The following ARHGEF17 variants were observed in gnomAD, a reference collection of about 807,000 sequenced individuals.
ARHGEF17 encodes the protein Rho guanine nucleotide exchange factor 17, also known as 164 kDa Rho-specific guanine-nucleotide exchange factor.
ARHGEF17 carries 80 observed loss-of-function variants against 174.0 expected under a neutral mutation model. That is an observed-to-expected ratio of 0.46 (90% CI 0.38 to 0.55). The LOEUF is 0.55. ARHGEF17 is among the 20% of genes least tolerant of loss of function. ARHGEF17 has a pLI of 0.00. For missense variants in ARHGEF17, 2,886 were observed against 2,839.7 expected (o/e 1.02, Z -0.37); for synonymous variants, 1,311 against 1,189.1 (o/e 1.10, Z -2.11).
intron 6 of ARHGEF17, 176 bp from the exon 7 acceptor site, chr11:73,356,533 C>G: frequency 9.0e-7 from 1 of 1,114,864 alleles, no homozygotes; most frequent in Non-Finnish European, 1.3e-6. Context: ...TGTTCTTCCA[C>G]GTCTGTCTCT....
chr11:73,362,858 A>G (rs1320933090), intron 14 of ARHGEF17, 124 bp downstream of exon 14: 1 of 1,225,218 alleles, frequency 8.2e-7, no homozygotes, highest in Non-Finnish European at 1.1e-6. Flanking sequence ...GTTAGCACAC[A>G]GAGCAATGAG....
rs1225637834 is a variant in ARHGEF17 at position 73,311,011 on chromosome 11, A to G, written c.2373A>G (p.Glu791=). 1.2e-6 allele frequency: 2 copies of G among 1,614,076 alleles called. No homozygotes were observed. The highest frequency in any genetic ancestry group is 1.7e-6 in the Non-Finnish European group (2 of 1,180,026). Residue 791 remains glutamate (E), a synonymous_variant, in exon 1 of 21, where the codon GAA becomes GAG. Transcript: ENST00000263674. ...SGHSDWSVGS[E]ESKGYQEVIQ... ...ACAGTGACTGGTCTGTGGGCAGTGA[A>G]GAGAGCAAGGGATATCAGGAGGTTA...
Position 73,362,616 on chromosome 11 carries a change from T to C in ARHGEF17, c.4878T>C (p.Gly1626=), listed in dbSNP as rs1591762869. ...GLEMTPGLGE[G]DPRPELVPFD... ...AGATGACGCCGGGCCTCGGCGAGGG[T>C]GACCCCCGCCCAGAGCTGGTGCCCT... is the stretch of plus-strand genomic sequence containing the variant. Residue 1626 remains glycine, a synonymous_variant, in exon 14 of 21, where the codon GGT becomes GGC. Transcript: ENST00000263674. The C allele has an allele frequency of 6.2e-7, 1 of 1,610,960 alleles. No individual in the cohort carries two copies. The highest frequency in any genetic ancestry group is 1.7e-5 in the Admixed American group (1 of 60,000).
chr11:73,353,013 G>A lies in ARHGEF17; in HGVS notation c.3453+1G>A. On this transcript the variant is annotated splice_donor_variant, in intron 3 of 20. Transcript: ENST00000263674. LOFTEE classifies it high-confidence loss of function. ...GGTGGGAGCCCTGCTCGTCCAGTCG[G>A]TGAGTGGCCCCGCTGCTGCCAATTC... is the stretch of plus-strand genomic sequence containing the variant. The A allele has an allele frequency of 6.2e-7, 1 of 1,613,528 alleles. No individual in the cohort carries two copies. The highest frequency in any genetic ancestry group is 8.5e-7 in the Non-Finnish European group (1 of 1,179,892).
intron 1 of ARHGEF17, among the ~76,000 whole-genome samples, chr11:73,325,363 G>A (rs533592306): frequency 1.3e-5 from 2 of 152,142 alleles, no homozygotes; most frequent in African/African-American, 2.4e-5. Context: ...AAGAAATTTC[G>A]TTCCAGGGCT....
chr11:73,312,639 A>G (rs1591717008), intron 1 of ARHGEF17, among the ~76,000 whole-genome samples: 1 of 151,420 alleles, frequency 6.6e-6, no homozygotes, highest in Non-Finnish European at 1.5e-5. Context: ...AGAGGCAGGG[A>G]GGGGGCTGCA....
At chr11:73,366,218 T>C (rs1175263596) in intron 20 of ARHGEF17, among the ~76,000 whole-genome samples, 1 of 152,004 alleles carries the variant, frequency 6.6e-6, no homozygotes, top group East Asian at 1.9e-4. Context: ...AACTATAACC[T>C]AAGAGGTAGA....
chr11:73,361,381 C>T (rs1249679723), intron 12 of ARHGEF17, among the ~76,000 whole-genome samples: 1 of 152,138 alleles, frequency 6.6e-6, no homozygotes, highest in Non-Finnish European at 1.5e-5. Context: ...TGCATGTGAA[C>T]AAAGGTTATA....
At chr11:73,359,284 A>G (rs1263966617) in intron 9 of ARHGEF17, among the ~76,000 whole-genome samples, 1 of 152,248 alleles carries the variant, frequency 6.6e-6, no homozygotes, top group East Asian at 1.9e-4. Context: ...AGCTCCATGT[A>G]TGGACCACTG....
chr11:73,317,751 G>T (rs1864952011), intron 1 of ARHGEF17, among the ~76,000 whole-genome samples: 1 of 152,200 alleles, frequency 6.6e-6, no homozygotes, highest in Non-Finnish European at 1.5e-5. Context: ...GGGGCATTCT[G>T]GGGGTTGGGA....
At chr11:73,358,699 T>C (rs541182831) in intron 9 of ARHGEF17, among the ~76,000 whole-genome samples, 27 of 151,796 alleles carry the variant, frequency 1.8e-4, no homozygotes, top group Non-Finnish European at 3.1e-4. Flanking sequence ...CTCCTGACCT[T>C]GTGATCTGCC....
Position 73,368,664 on chromosome 11 carries a change from C to G in ARHGEF17, c.*884C>G, listed in dbSNP as rs755632991. 6.6e-5 allele frequency: 10 copies of G among 152,540 alleles called. No homozygotes were observed. Among genetic ancestry groups the G allele is most frequent in the African/African-American group, 9.7e-5 (4 of 41,418 alleles). The allele number at this position is 152,540 out of a possible 1,614,324, so 9.4% of individuals were successfully genotyped here. A position where few individuals can be genotyped will look rare whatever the true frequency, so the allele number is the denominator to read the frequency against. ...CGCCCCCAGTCCTTGGCCCTGCTTC[C>G]CTGTGTCTCATGCACTGGCACATAT... On this transcript the variant is annotated 3_prime_UTR_variant, in exon 21 of 21. Transcript: ENST00000263674.
At chr11:73,355,110 G>A (rs1249939670) in intron 3 of ARHGEF17, among the ~76,000 whole-genome samples, 1 of 152,250 alleles carries the variant, frequency 6.6e-6, no homozygotes, top group East Asian at 1.9e-4. Flanking sequence ...GGGCATTCCT[G>A]GTGGGGGGAT....
intron 20 of ARHGEF17, among the ~76,000 whole-genome samples, 191 bp downstream of exon 20, chr11:73,366,138 T>C (rs901774461): frequency 1.3e-5 from 2 of 152,070 alleles, no homozygotes; most frequent in Non-Finnish European, 2.9e-5. Flanking sequence ...TGTGTGTGTG[T>C]GTGCGCACCT....
chr11:73,319,810 G>A (rs1408841878), intron 1 of ARHGEF17, among the ~76,000 whole-genome samples: 1 of 152,216 alleles, frequency 6.6e-6, no homozygotes. Context: ...TGAGGTGGGT[G>A]AGGTCCAGAG....
intron 1 of ARHGEF17, among the ~76,000 whole-genome samples, chr11:73,344,583 C>G (rs934765405): frequency 6.6e-6 from 1 of 152,208 alleles, no homozygotes; most frequent in African/African-American, 2.4e-5. Flanking sequence ...CTGGCCTGGC[C>G]CTGCTGTCAG....
In ARHGEF17 at chr11:73,311,023, A is replaced by C; in HGVS notation, c.2385A>C (p.Gly795=). ...CTGTGGGCAGTGAAGAGAGCAAGGGATATCAGGAGGTTATTCAGAGCATAG... is the reference window on the plus strand; with the variant it reads ...CTGTGGGCAGTGAAGAGAGCAAGGGCTATCAGGAGGTTATTCAGAGCATAG... The part of the protein sequence containing the change: ...DWSVGSEESK[G]YQEVIQSIVQ... The change falls in exon 1 of 21, where the codon GGA becomes GGC. Residue 795 remains glycine (G), a synonymous_variant. Transcript: ENST00000263674. 3 of 1,614,038 alleles carry C rather than the reference A, an allele frequency of 1.9e-6. No individual in the cohort carries two copies. The highest frequency in any genetic ancestry group is 3.3e-5 in the Admixed American group (2 of 60,018).
chr11:73,321,965 T>C (rs1465289789), intron 1 of ARHGEF17, among the ~76,000 whole-genome samples: 1 of 152,106 alleles, frequency 6.6e-6, no homozygotes, highest in Non-Finnish European at 1.5e-5. Context: ...CGCACAGCGC[T>C]GTGGAGCAGG....
At chr11:73,349,990 C>T (rs936818922) in intron 2 of ARHGEF17, among the ~76,000 whole-genome samples, 61 of 152,310 alleles carry the variant, frequency 4.0e-4, no homozygotes, top group African/African-American at 1.4e-3. Context: ...AGCTGCATGA[C>T]CCGGAGCATG....
Sources: allele counts gnomAD v4.1 joint callset (sites outside exome capture counted in the v4.1 genomes callset), GRCh38; gene constraint gnomAD v4.1.1; transcripts MANE v1.5; gene names NCBI Gene and HGNC (gene_info 2026-07-23, HGNC 2026-07-21).